The following THSD4 variants were observed in gnomAD, a reference collection of about 807,000 sequenced individuals.
THSD4 encodes thrombospondin type 1 domain containing 4, also known as thrombospondin type-1 domain-containing protein 4.
Under a neutral mutation model 119.0 loss-of-function variants are expected in THSD4, and 69 were observed. The observed-to-expected ratio is 0.58, with a 90% CI of 0.48 to 0.71. The LOEUF (loss-of-function observed/expected upper bound fraction) is 0.71. Among genes scored for constraint, THSD4 ranks in the 30% least tolerant of loss-of-function variants. THSD4 has a pLI of 0.00. For synonymous variants in THSD4, 524 were observed against 540.4 expected, an observed-to-expected ratio of 0.97 and a Z score of 0.42; for missense variants, 1,393 against 1,391.1, an observed-to-expected ratio of 1.00 and a Z score of -0.02.
chr15:71,275,936 T>C (rs944088452), intron 6 of THSD4, among the ~76,000 whole-genome samples: 1 of 152,208 alleles, frequency 6.6e-6, no homozygotes, highest in Non-Finnish European at 1.5e-5. Flanking sequence ...TAAACTTCTT[T>C]CCTTTGTAAA....
At chr15:71,446,141 C>T (rs1303852922) in intron 7 of THSD4, among the ~76,000 whole-genome samples, 2 of 152,340 alleles carry the variant, frequency 1.3e-5, no homozygotes, top group East Asian at 3.9e-4. Flanking sequence ...TTCCGCTTTC[C>T]ATCCCCTGAC....
chr15:71,196,752 G>A (rs1404502835), intron 3 of THSD4, among the ~76,000 whole-genome samples: 1 of 152,114 alleles, frequency 6.6e-6, no homozygotes, highest in Admixed American at 6.5e-5. Flanking sequence ...GCAGGAACAC[G>A]GGAAAGAGAA....
intron 5 of THSD4, among the ~76,000 whole-genome samples, chr15:71,245,000 G>GC (rs2044187801): frequency 1.3e-5 from 2 of 152,164 alleles, no homozygotes; most frequent in Admixed American, 1.3e-4. Context: ...CCAGACCTGT[G>GC]CTGCCAACGG....
chr15:71,713,869 A>G (rs187333316), intron 8 of THSD4, among the ~76,000 whole-genome samples: 13 of 152,248 alleles, frequency 8.5e-5, no homozygotes, highest in Non-Finnish European at 1.6e-4. Flanking sequence ...TGGATGTGAA[A>G]CCTAAAAAAA....
intron 8 of THSD4, among the ~76,000 whole-genome samples, chr15:71,715,053 C>G (rs1338146835): frequency 6.6e-6 from 1 of 152,120 alleles, no homozygotes; most frequent in Non-Finnish European, 1.5e-5. Context: ...AGGAGTATGG[C>G]ATGCGAGAAT....
At chr15:71,174,810 C>T (rs546681022) in intron 3 of THSD4, among the ~76,000 whole-genome samples, 3 of 152,194 alleles carry the variant, frequency 2.0e-5, no homozygotes, top group East Asian at 3.9e-4. Context: ...CAGACTGCCT[C>T]CTCAAGTGGG....
At chr15:71,584,529 A>G (rs1265752327) in intron 7 of THSD4, among the ~76,000 whole-genome samples, 1 of 151,946 alleles carries the variant, frequency 6.6e-6, no homozygotes, top group East Asian at 1.9e-4. Flanking sequence ...TTGGCCTCCC[A>G]AAGTGCTGGA....
chr15:71,210,010 C>A (rs2043876413), intron 3 of THSD4, among the ~76,000 whole-genome samples: 2 of 152,064 alleles, frequency 1.3e-5, no homozygotes, highest in Non-Finnish European at 2.9e-5. Flanking sequence ...TGTAAACTGC[C>A]CAGTCTTGGG....
chr15:71,468,371 C>T (rs765355781), intron 7 of THSD4, among the ~76,000 whole-genome samples: 3 of 152,160 alleles, frequency 2.0e-5, no homozygotes, highest in Non-Finnish European at 4.4e-5. Flanking sequence ...GTCTGGAGAC[C>T]TTCCTGCACA....
intron 7 of THSD4, among the ~76,000 whole-genome samples, chr15:71,619,972 T>C (rs545707280): frequency 6.6e-6 from 1 of 152,356 alleles, no homozygotes; most frequent in African/African-American, 2.4e-5. Flanking sequence ...TAGAGTTACA[T>C]ATAGCTCTTT....
intron 7 of THSD4, among the ~76,000 whole-genome samples, chr15:71,622,941 A>T (rs564408592): frequency 1.3e-5 from 2 of 152,282 alleles, no homozygotes; most frequent in South Asian, 4.1e-4. Context: ...TAAAGAAAAT[A>T]AGAGCAAGCC....
In THSD4 at chr15:71,780,738, C is replaced by T. The variant is rs1383641222; in HGVS notation, c.*3364C>T. The T allele has an allele frequency of 1.1e-5, 5 of 455,566 alleles. No homozygotes were observed. Among genetic ancestry groups the T allele is most frequent in the Non-Finnish European group, 2.2e-5 (5 of 226,584 alleles). 28.2% of individuals were successfully genotyped at this position (455,566 alleles called of 1,614,324 possible). A position where few individuals can be genotyped will look rare whatever the true frequency, so the allele number is the denominator to read the frequency against. The stretch of plus-strand genomic sequence containing the variant: ...CTGTCCCTTTACCTTACCTCTCTGG[C>T]CCAGAGTTCTTGGAGGGTTTTTTCT... On this transcript the variant is annotated 3_prime_UTR_variant, in exon 18 of 18. Coordinates refer to ENST00000261862, the MANE Select transcript of THSD4 (RefSeq NM_024817.3).
chr15:71,456,066 T>G (rs2047335026), intron 7 of THSD4, among the ~76,000 whole-genome samples: 1 of 152,224 alleles, frequency 6.6e-6, no homozygotes, highest in Non-Finnish European at 1.5e-5. Context: ...GGATCCCCTC[T>G]TACGAATGGC....
At chr15:71,429,456 G>C (rs541977750) in intron 7 of THSD4, among the ~76,000 whole-genome samples, 3 of 152,326 alleles carry the variant, frequency 2.0e-5, no homozygotes, top group Non-Finnish European at 4.4e-5. Context: ...TGTATTGACA[G>C]ACTTGAATCT....
intron 8 of THSD4, among the ~76,000 whole-genome samples, chr15:71,676,744 C>T (rs2051659953): frequency 2.0e-5 from 3 of 152,166 alleles, no homozygotes. Flanking sequence ...TTGTGTCTGG[C>T]TTATTTCACT....
intron 7 of THSD4, among the ~76,000 whole-genome samples, chr15:71,563,042 G>A (rs920865794): frequency 6.6e-6 from 1 of 152,052 alleles, no homozygotes; most frequent in Non-Finnish European, 1.5e-5. Flanking sequence ...GACCTCAGTT[G>A]GCCTCTTAAT....
intron 5 of THSD4, among the ~76,000 whole-genome samples, chr15:71,254,488 C>G (rs532751938): frequency 3.9e-5 from 6 of 152,342 alleles, no homozygotes; most frequent in African/African-American, 1.4e-4. Context: ...ACCAGAATCA[C>G]CCAAGGAGCA....
chr15:71,468,343 G>T (rs997104582), intron 7 of THSD4, among the ~76,000 whole-genome samples: 1 of 152,186 alleles, frequency 6.6e-6, no homozygotes, highest in Admixed American at 6.5e-5. Flanking sequence ...TTAGCAGCAT[G>T]AGAACAGAAT....
chr15:71,534,592 CAA>C (rs2048664010), intron 7 of THSD4, among the ~76,000 whole-genome samples: 1 of 152,016 alleles, frequency 6.6e-6, no homozygotes. Context: ...TAGAAAATAA[CAA>C]AATTAAAAGA....
Sources: gnomAD v4.1 joint callset for allele counts (sites outside exome capture counted in the v4.1 genomes callset) on GRCh38, gnomAD v4.1.1 for gene constraint, MANE v1.5 for transcripts, NCBI Gene and HGNC (gene_info 2026-07-23, HGNC 2026-07-21) for gene names.